SLC2A1: variants seen among roughly 807,000 people sequenced by gnomAD.
SLC2A1 encodes the protein solute carrier family 2 member 1.
A neutral mutation model predicts 46.6 loss-of-function variants in SLC2A1; 4 were observed. That is an observed-to-expected ratio of 0.09 (90% CI 0.04 to 0.20). SLC2A1 has a LOEUF of 0.20. Ranked by LOEUF, SLC2A1 falls within the 10% of genes least tolerant of loss-of-function variation. The pLI, the probability that SLC2A1 is intolerant of heterozygous loss-of-function variation, is 1.00. For missense variants in SLC2A1, 352 were observed against 667.0 expected, an observed-to-expected ratio of 0.53 and a Z score of 5.20; for synonymous variants, 253 against 270.0, an observed-to-expected ratio of 0.94 and a Z score of 0.62.
intron 2 of SLC2A1, among the ~76,000 whole-genome samples, chr1:42,937,853 G>A (rs1195882468): frequency 1.3e-5 from 2 of 152,190 alleles, no homozygotes; most frequent in East Asian, 3.9e-4. Context: ...GCCCAGTTCA[G>A]CCTGACGGGA....
At chr1:42,940,232 C>T (rs1207135606) in intron 2 of SLC2A1, among the ~76,000 whole-genome samples, 1 of 152,242 alleles carries the variant, frequency 6.6e-6, no homozygotes, top group Non-Finnish European at 1.5e-5. Flanking sequence ...GCCTCTCACT[C>T]TTCACCCAAT....
intron 1 of SLC2A1, among the ~76,000 whole-genome samples, chr1:42,958,224 C>T (rs1643800378): frequency 6.6e-6 from 1 of 151,522 alleles, no homozygotes; most frequent in Admixed American, 6.6e-5. Flanking sequence ...GCCCGCTCAG[C>T]CAATGGGCGC....
chr1:42,956,974 T>A (rs74070941), intron 1 of SLC2A1, among the ~76,000 whole-genome samples: 8,714 of 152,296 alleles, frequency 0.057, 474 homozygotes, highest in African/African-American at 0.13. Flanking sequence ...ACGCTTAAAG[T>A]AGTTTGGCTA....
At chr1:42,952,341 G>T in intron 1 of SLC2A1, 1 of 470,192 alleles carries the variant, frequency 2.1e-6, no homozygotes, top group African/African-American at 2.0e-5. Context: ...GCTGGCTGCC[G>T]GGCCACTCAG....
chr1:42,933,229 T>C (rs980357355), intron 2 of SLC2A1, among the ~76,000 whole-genome samples: 1 of 152,128 alleles, frequency 6.6e-6, no homozygotes, highest in Admixed American at 6.5e-5. Flanking sequence ...TCCCCAAGCC[T>C]TCAACCCGTA....
intron 1 of SLC2A1, among the ~76,000 whole-genome samples, chr1:42,946,818 C>T (rs1053422384): frequency 1.1e-4 from 16 of 152,174 alleles, no homozygotes; most frequent in Non-Finnish European, 4.4e-5. Flanking sequence ...CACTCTGCTG[C>T]GCCCACTATA....
Position 42,928,961 on chromosome 1 carries a change from T to C in SLC2A1, c.1045A>G (p.Ile349Val), listed in dbSNP as rs1202505639. 1.9e-6 allele frequency: 3 copies of C among 1,613,938 alleles called. No individual in the cohort carries two copies. The highest frequency in any genetic ancestry group is 1.1e-5 in the South Asian group (1 of 91,094). Residue 349 changes from isoleucine (I) to valine (V), a missense_variant, in exon 8 of 10, where the codon ATA (isoleucine) becomes GTA (valine). By Grantham distance (29) the Ile-to-Val change is conservative (BLOSUM62 3). Transcript: ENST00000426263. ...IGLAGMAGCA[I>V]LMTIALALLE... Reference sequence around the variant, plus strand: ...AGTGCTAGCGCGATGGTCATGAGTATGGCACAACCCGCCATGCCAGCGAGG... The same window carrying C: ...AGTGCTAGCGCGATGGTCATGAGTACGGCACAACCCGCCATGCCAGCGAGG...
intron 2 of SLC2A1, among the ~76,000 whole-genome samples, chr1:42,940,567 C>G (rs111949796): frequency 2.6e-4 from 40 of 151,732 alleles, no homozygotes; most frequent in African/African-American, 9.7e-4. Context: ...CTTTTTCTAG[C>G]AATGGGTTGT....
intron 2 of SLC2A1, among the ~76,000 whole-genome samples, chr1:42,937,994 A>C (rs1305313074): frequency 6.6e-6 from 1 of 152,160 alleles, no homozygotes; most frequent in Non-Finnish European, 1.5e-5. Context: ...GTTGTTTGTC[A>C]AACAACTGAG....
intron 2 of SLC2A1, among the ~76,000 whole-genome samples, chr1:42,932,237 G>A (rs1245595725): frequency 2.0e-5 from 3 of 152,056 alleles, no homozygotes; most frequent in East Asian, 3.9e-4. Context: ...AACTGGAAAC[G>A]CCCGTCCTAG....
At chr1:42,951,637 C>G in intron 1 of SLC2A1, 1 of 392,272 alleles carries the variant, frequency 2.5e-6, no homozygotes, top group Non-Finnish European at 4.5e-6. Context: ...ATTTATTATG[C>G]TTCTCTGTAG....
chr1:42,931,340 G>A (rs1557646939), intron 2 of SLC2A1, 134 bp from the exon 3 acceptor site: 1 of 876,890 alleles, frequency 1.1e-6, no homozygotes, highest in East Asian at 2.7e-5. Flanking sequence ...ATGTTCTTGA[G>A]CCAAGTCCCT....
chr1:42,928,434 C>T (rs1019071464), intron 8 of SLC2A1, among the ~76,000 whole-genome samples: 1 of 152,142 alleles, frequency 6.6e-6, no homozygotes, highest in South Asian at 2.1e-4. Context: ...AGGCCTGGGA[C>T]TGAGGTTGAT....
chr1:42,929,494 A>C lies in SLC2A1; in HGVS notation c.867+99T>G. The C allele has an allele frequency of 7.8e-7, 1 of 1,285,554 alleles. No homozygotes were observed. The highest frequency in any genetic ancestry group is 1.1e-6 in the Non-Finnish European group (1 of 887,082). 79.6% of individuals were successfully genotyped at this position (1,285,554 alleles called of 1,614,324 possible). A position where few individuals can be genotyped will look rare whatever the true frequency, so the allele number is the denominator to read the frequency against. On this transcript the variant is annotated intron_variant, in intron 6 of 9. Coordinates refer to ENST00000426263, the MANE Select transcript of SLC2A1 (RefSeq NM_006516.4). This position sits in a 1 kb window ranked among gnomAD's most constrained non-coding sequence, Gnocchi z 6.0. Reference sequence around the variant, plus strand: ...GGGTCTAAAGGGAAACTTCTTCGGCAGAGGCGTATCTGTTGTTTCAAGTTT... The same window carrying C: ...GGGTCTAAAGGGAAACTTCTTCGGCCGAGGCGTATCTGTTGTTTCAAGTTT...
chr1:42,957,082 T>C (rs1426410391), intron 1 of SLC2A1, among the ~76,000 whole-genome samples: 1 of 152,248 alleles, frequency 6.6e-6, no homozygotes, highest in African/African-American at 2.4e-5. Context: ...GTATGCTGAA[T>C]AGATAGTTCC....
chr1:42,933,405 T>C (rs1255069372), intron 2 of SLC2A1, among the ~76,000 whole-genome samples: 1 of 152,136 alleles, frequency 6.6e-6, no homozygotes, highest in Non-Finnish European at 1.5e-5. Context: ...GATCCAGGTT[T>C]CCCTGACTCC....
intron 2 of SLC2A1, among the ~76,000 whole-genome samples, chr1:42,933,621 G>C (rs1643514425): frequency 6.6e-6 from 1 of 152,128 alleles, no homozygotes; most frequent in African/African-American, 2.4e-5. Context: ...TTCTTCTGTG[G>C]ACGAAACTAA....
rs34025424 is a variant in SLC2A1, at chr1:42,943,313, C to A, written c.27G>T (p.Thr9=). The change falls in exon 2 of 10, where the codon ACG becomes ACT. Residue 9 remains threonine, a synonymous_variant. Transcript: ENST00000426263. MEPSSKKL[T]GRLMLAVGGA... Reference sequence around the variant, plus strand: ...CTCCCACGGCCAGCATGAGGCGACCCGTCAGCTTCTGCGGAGAAACAAACC... The same window carrying A: ...CTCCCACGGCCAGCATGAGGCGACCAGTCAGCTTCTGCGGAGAAACAAACC... The A allele has an allele frequency of 3.1e-6, 5 of 1,613,316 alleles. No homozygotes were observed. Among genetic ancestry groups the A allele is most frequent in the East Asian group, 2.2e-5 (1 of 44,872 alleles).
In SLC2A1 at chr1:42,930,454, C is replaced by T. The variant is rs1643476445; in HGVS notation, c.516+172G>A. The T allele has an allele frequency of 1.1e-6, 1 of 885,108 alleles. No homozygotes were observed. Among genetic ancestry groups the T allele is most frequent in the African/African-American group, 1.7e-5 (1 of 60,416 alleles). 54.8% of individuals were successfully genotyped at this position (885,108 alleles called of 1,614,324 possible). A position where few individuals can be genotyped will look rare whatever the true frequency, so the allele number is the denominator to read the frequency against. ...GAGAAGAGTCAAGTCATCTTGCTGTCAACTGGGAGGCCATGGTGCTGTGTT... is the reference window on the plus strand; with the variant it reads ...GAGAAGAGTCAAGTCATCTTGCTGTTAACTGGGAGGCCATGGTGCTGTGTT... On this transcript the variant is annotated intron_variant, in intron 4 of 9. Coordinates refer to ENST00000426263, the MANE Select transcript of SLC2A1 (RefSeq NM_006516.4). This position sits in a 1 kb window ranked among gnomAD's most constrained non-coding sequence, Gnocchi z 6.2.
Sources: gnomAD v4.1 joint callset for allele counts (sites outside exome capture counted in the v4.1 genomes callset) on GRCh38, gnomAD v4.1.1 for gene constraint, Gnocchi (gnomAD v3.1) non-coding constraint, MANE v1.5 for transcripts, NCBI Gene and HGNC (gene_info 2026-07-23, HGNC 2026-07-21) for gene names.